The following LRRFIP2 variants were observed in gnomAD, a reference collection of about 807,000 sequenced individuals.
LRRFIP2 encodes the protein LRR binding FLII interacting protein 2.
A neutral mutation model predicts 125.9 loss-of-function variants in LRRFIP2; 109 were observed. The ratio of observed to expected loss-of-function variants is 0.87; its 90% CI spans 0.74 to 1.01. The LOEUF (loss-of-function observed/expected upper bound fraction) is 1.01, where lower values mean the gene tolerates loss of function less well. Among genes scored for constraint, LRRFIP2 ranks in the 50% least tolerant of loss-of-function variants. The pLI is 0.00. For synonymous variants in LRRFIP2, 291 were observed against 293.1 expected, an observed-to-expected ratio of 0.99 and a Z score of 0.07; for missense variants, 850 against 862.3, an observed-to-expected ratio of 0.99 and a Z score of 0.18.
chr3:37,117,750 T>A (rs2094855949), intron 6 of LRRFIP2, among the ~76,000 whole-genome samples: 1 of 152,182 alleles, frequency 6.6e-6, no homozygotes, highest in African/African-American at 2.4e-5. Flanking sequence ...TCTATTAGAA[T>A]GTACCTATTA....
chr3:37,162,681 A>T (rs1016885546), intron 1 of LRRFIP2, among the ~76,000 whole-genome samples: 1 of 152,208 alleles, frequency 6.6e-6, no homozygotes, highest in African/African-American at 2.4e-5. Context: ...TCAAACACAG[A>T]AGAGGGGCAA....
intron 19 of LRRFIP2, among the ~76,000 whole-genome samples, chr3:37,075,971 T>C (rs1257132383): frequency 6.6e-6 from 1 of 152,182 alleles, no homozygotes; most frequent in African/African-American, 2.4e-5. Context: ...TTAGTAATGT[T>C]GGGATAACTG....
chr3:37,105,843 T>C (rs553726360), intron 13 of LRRFIP2, among the ~76,000 whole-genome samples: 23 of 152,172 alleles, frequency 1.5e-4, no homozygotes, highest in East Asian at 1.4e-3. Flanking sequence ...GGTGGGTGGA[T>C]TGCTTGAGGT....
chr3:37,087,124 G>T (rs1315866040), intron 18 of LRRFIP2, among the ~76,000 whole-genome samples: 1 of 152,064 alleles, frequency 6.6e-6, no homozygotes, highest in African/African-American at 2.4e-5. Flanking sequence ...AAACTGGATT[G>T]AAGGTATGAG....
At chr3:37,108,315 G>A (rs549233942) in intron 12 of LRRFIP2, among the ~76,000 whole-genome samples, 186 bp from the exon 13 acceptor site, 1 of 152,316 alleles carries the variant, frequency 6.6e-6, no homozygotes, top group African/African-American at 2.4e-5. Flanking sequence ...TAGAGGGAGC[G>A]AAGAGGAAGG....
At chr3:37,114,569 G>A (rs1244654432) in intron 7 of LRRFIP2, among the ~76,000 whole-genome samples, 1 of 152,034 alleles carries the variant, frequency 6.6e-6, no homozygotes, top group African/African-American at 2.4e-5. Context: ...GATCACTTGA[G>A]ACCAAAAGTT....
chr3:37,113,897 A>G (rs2094652215), intron 7 of LRRFIP2, among the ~76,000 whole-genome samples: 1 of 152,182 alleles, frequency 6.6e-6, no homozygotes, highest in Non-Finnish European at 1.5e-5. Flanking sequence ...TACACAGCCA[A>G]GTACATATGG....
chr3:37,107,928 G>T, intron 13 of LRRFIP2, 145 bp downstream of exon 13: 1 of 540,060 alleles, frequency 1.9e-6, no homozygotes, highest in Non-Finnish European at 3.2e-6. Flanking sequence ...GGACAAATTA[G>T]TGCTTGAGTT....
chr3:37,055,080 A>C lies in LRRFIP2; in HGVS notation c.1950+6T>G. ...AAATAACTTAGTACCATATAGAAGT[A>C]CTTACACTTTGCTCCAAGGTAGTTA... On this transcript the variant is annotated splice_donor_region_variant and intron_variant, in intron 26 of 27. Coordinates refer to ENST00000336686, the MANE Select transcript of LRRFIP2 (RefSeq NM_006309.4). The C allele has an allele frequency of 6.4e-7, 1 of 1,571,350 alleles. No individual in the cohort carries two copies. Among genetic ancestry groups the C allele is most frequent in the Non-Finnish European group, 8.7e-7 (1 of 1,151,098 alleles).
At chr3:37,144,724 T>C (rs914163524) in intron 2 of LRRFIP2, among the ~76,000 whole-genome samples, 1 of 152,192 alleles carries the variant, frequency 6.6e-6, no homozygotes, top group Non-Finnish European at 1.5e-5. Context: ...TTACAATTCA[T>C]AATTTGACAG....
intron 1 of LRRFIP2, among the ~76,000 whole-genome samples, chr3:37,160,624 A>G (rs932578712): frequency 1.3e-5 from 2 of 151,984 alleles, no homozygotes; most frequent in Non-Finnish European, 2.9e-5. Context: ...TACTAAAAAT[A>G]CAAAATTAGC....
intron 21 of LRRFIP2, among the ~76,000 whole-genome samples, chr3:37,072,117 T>C (rs2091301464): frequency 6.6e-6 from 1 of 152,154 alleles, no homozygotes; most frequent in Non-Finnish European, 1.5e-5. Flanking sequence ...TCCCCACCAC[T>C]ACCCTCTTCT....
intron 15 of LRRFIP2, among the ~76,000 whole-genome samples, chr3:37,102,320 G>C (rs1344773167): frequency 2.0e-5 from 3 of 151,894 alleles, no homozygotes; most frequent in Admixed American, 6.6e-5. Flanking sequence ...GGAGGGAAGG[G>C]GGAAGAAATC....
chr3:37,118,874 A>G (rs1024536295), intron 6 of LRRFIP2, among the ~76,000 whole-genome samples: 2 of 152,266 alleles, frequency 1.3e-5, no homozygotes, highest in Non-Finnish European at 2.9e-5. Flanking sequence ...AAAATTATAT[A>G]GCAAACCACA....
chr3:37,170,756 C>T (rs1236911975), intron 1 of LRRFIP2: 1 of 152,190 alleles, frequency 6.6e-6, no homozygotes, highest in Non-Finnish European at 1.5e-5. Flanking sequence ...ATCCTATGCT[C>T]TTTCTTGTGC....
intron 1 of LRRFIP2, among the ~76,000 whole-genome samples, chr3:37,165,914 T>C (rs769025064): frequency 1.3e-5 from 2 of 151,574 alleles, no homozygotes; most frequent in Non-Finnish European, 2.9e-5. Flanking sequence ...ACAAATGAGC[T>C]AAAACCATAA....
chr3:37,151,274 G>A (rs962760661), intron 1 of LRRFIP2, among the ~76,000 whole-genome samples: 12 of 151,898 alleles, frequency 7.9e-5, no homozygotes, highest in East Asian at 5.8e-4. Flanking sequence ...GAGGAGAATC[G>A]CTTGAATCCA....
At chr3:37,088,747 C>T (rs1036621504) in intron 18 of LRRFIP2, among the ~76,000 whole-genome samples, 1 of 151,658 alleles carries the variant, frequency 6.6e-6, no homozygotes, top group African/African-American at 2.4e-5. Flanking sequence ...CAATGAGCTA[C>T]GATTGTGTCA....
In LRRFIP2 at chr3:37,060,604, T is replaced by A. The variant is rs1311511848; in HGVS notation, c.1750-1694A>T. ...AGACATGAGCCACCATGCCCGGCCC[T>A]TTTTTTTTTTGTACTTCCACAGCTT... On this transcript the variant is annotated intron_variant, in intron 24 of 27. Coordinates refer to ENST00000336686, the MANE Select transcript of LRRFIP2 (RefSeq NM_006309.4). This position sits in a 1 kb window ranked among gnomAD's most constrained non-coding sequence, Gnocchi z 4.1. Among the ~76,000 whole-genome samples, 1 of 142,332 alleles carries A rather than the reference T, an allele frequency of 7.0e-6. No individual in the cohort carries two copies. Among genetic ancestry groups the A allele is most frequent in the African/African-American group, 2.6e-5 (1 of 38,084 alleles). The allele number at this position is 142,332 out of a possible 152,430, so 93.4% of individuals were successfully genotyped here. A position where few individuals can be genotyped will look rare whatever the true frequency, so the allele number is the denominator to read the frequency against.
Sources: allele counts gnomAD v4.1 joint callset (sites outside exome capture counted in the v4.1 genomes callset), GRCh38; gene constraint gnomAD v4.1.1; non-coding constraint Gnocchi (gnomAD v3.1); transcripts MANE v1.5; gene names NCBI Gene and HGNC (gene_info 2026-07-23, HGNC 2026-07-21).